Variants in CAV1 observed in about 807,000 individuals in gnomAD.
The protein encoded by CAV1 is caveolin 1, also known as caveolin-1.
Under a neutral mutation model 16.5 loss-of-function variants are expected in CAV1, and 10 were observed. The ratio of observed to expected loss-of-function variants is 0.61; its 90% confidence interval spans 0.37 to 1.03. The LOEUF is 1.03. CAV1 is among the 50% of genes least tolerant of loss of function. The pLI, the probability that CAV1 is intolerant of heterozygous loss-of-function variation, is 0.01. For missense variants in CAV1, 212 were observed against 232.8 expected (o/e 0.91, Z 0.58); for synonymous variants, 76 against 85.1 (o/e 0.89, Z 0.59).
At chr7:116,525,416 G>A in intron 1 of CAV1, 3 of 1,440,672 alleles carry the variant, frequency 2.1e-6, no homozygotes, top group Admixed American at 2.4e-5. Context: ...CCCTTGTCGC[G>A]GGACCCCCGC....
In CAV1 at chr7:116,556,673, G is replaced by A. The variant is rs79215563; in HGVS notation, c.196-2273G>A. Among the ~76,000 whole-genome samples the A allele has an allele frequency of 5.8e-4, 89 of 152,228 alleles. 1 individual carries two copies. The highest frequency in any genetic ancestry group is 1.8e-3 in the African/African-American group (76 of 41,532). On this transcript the variant is annotated intron_variant, in intron 2 of 2. Transcript: ENST00000341049. The stretch of plus-strand genomic sequence containing the variant: ...AGAATCTCAAGGCAGACCTGCTTCG[G>A]GTCTGCTCTGTAAAGAGGTAGGAAT...
Position 116,560,994 on chromosome 7 carries a change from A to T in CAV1, c.*1707A>T, listed in dbSNP as rs917967683. ...CACTTAGGAAATGGCTTTGTGATTCAATCTGTAAACTGTGTATTCCAAGAC... is the reference window on the plus strand; with the variant it reads ...CACTTAGGAAATGGCTTTGTGATTCTATCTGTAAACTGTGTATTCCAAGAC... On this transcript the variant is annotated 3_prime_UTR_variant, in exon 3 of 3. Coordinates refer to ENST00000341049, the MANE Select transcript of CAV1 (RefSeq NM_001753.5). 6.6e-6 allele frequency: 1 copy of T among 152,654 alleles called. No homozygotes were observed. The highest frequency in any genetic ancestry group is 1.5e-5 in the Non-Finnish European group (1 of 68,030). 9.5% of individuals were successfully genotyped at this position (152,654 alleles called of 1,614,324 possible).
chr7:116,558,651 G>A (rs1223019143), intron 2 of CAV1, among the ~76,000 whole-genome samples: 1 of 151,914 alleles, frequency 6.6e-6, no homozygotes, highest in African/African-American at 2.4e-5. Flanking sequence ...TACTTAAGAG[G>A]CTGAGGCAGA....
intron 2 of CAV1, among the ~76,000 whole-genome samples, chr7:116,537,153 C>T (rs1054549826): frequency 6.6e-6 from 1 of 151,792 alleles, no homozygotes; most frequent in Admixed American, 6.6e-5. Context: ...AATTAAAAAA[C>T]CAAAAGTTTT....
intron 2 of CAV1, among the ~76,000 whole-genome samples, chr7:116,547,666 A>C (rs1172187084): frequency 1.3e-5 from 2 of 152,184 alleles, no homozygotes; most frequent in Admixed American, 1.3e-4. Flanking sequence ...CGATTTCAGG[A>C]ATGCCAAAAG....
chr7:116,534,742 T>C (rs1247460293), intron 2 of CAV1, among the ~76,000 whole-genome samples: 1 of 151,924 alleles, frequency 6.6e-6, no homozygotes, highest in East Asian at 1.9e-4. Context: ...AGCCTGAGTA[T>C]CTGTATTTTT....
At chr7:116,552,027 C>G (rs1794175428) in intron 2 of CAV1, 1 of 152,472 alleles carries the variant, frequency 6.6e-6, no homozygotes, top group East Asian at 1.9e-4. Context: ...AGGTGAATGT[C>G]CCAGTCTTTT....
chr7:116,537,650 G>C (rs928262657), intron 2 of CAV1, among the ~76,000 whole-genome samples: 15 of 152,166 alleles, frequency 9.9e-5, no homozygotes, highest in Non-Finnish European at 2.2e-4. Context: ...CATTGGTGTG[G>C]CCACAATATG....
intron 2 of CAV1, among the ~76,000 whole-genome samples, chr7:116,535,310 C>T (rs1471349536): frequency 1.3e-5 from 2 of 152,144 alleles, no homozygotes; most frequent in African/African-American, 4.8e-5. Flanking sequence ...CAGGCCTTTC[C>T]CTGATTCCTT....
chr7:116,539,606 T>C (rs1286047997), intron 2 of CAV1, among the ~76,000 whole-genome samples: 1 of 152,216 alleles, frequency 6.6e-6, no homozygotes, highest in Admixed American at 6.5e-5. Flanking sequence ...TTTACTTAGG[T>C]GAAGAGAAAA....
intron 1 of CAV1, chr7:116,525,430 C>A: frequency 7.0e-7 from 1 of 1,421,044 alleles, no homozygotes; most frequent in Non-Finnish European, 9.3e-7. Flanking sequence ...CCCCCGCGGT[C>A]CGGCCCTGCC....
chr7:116,543,169 C>T (rs906231736), intron 2 of CAV1, among the ~76,000 whole-genome samples: 3 of 152,178 alleles, frequency 2.0e-5, no homozygotes, highest in Non-Finnish European at 4.4e-5. Context: ...GAGGCAGAAA[C>T]AGACAATCTC....
chr7:116,525,248 G>T (rs1181740481), intron 1 of CAV1, 156 bp downstream of exon 1: 2 of 1,606,174 alleles, frequency 1.2e-6, no homozygotes, highest in Non-Finnish European at 1.7e-6. Flanking sequence ...ATGGGCCTGG[G>T]CGGGGAGGTG....
intron 1 of CAV1, chr7:116,525,960 G>C: frequency 2.3e-6 from 1 of 431,274 alleles, no homozygotes; most frequent in Non-Finnish European, 3.1e-6. Flanking sequence ...GGGCAGGTGC[G>C]AGGGGGATGC....
intron 2 of CAV1, among the ~76,000 whole-genome samples, chr7:116,536,506 A>G (rs370336254): frequency 6.6e-6 from 1 of 152,226 alleles, no homozygotes; most frequent in South Asian, 2.1e-4. Flanking sequence ...TATGTTTACC[A>G]GGAACAGGGT....
chr7:116,539,823 T>C (rs1186689169), intron 2 of CAV1, among the ~76,000 whole-genome samples: 4 of 152,116 alleles, frequency 2.6e-5, no homozygotes, highest in Non-Finnish European at 4.4e-5. Context: ...AATGCCAAAA[T>C]ATACCATCTG....
At chr7:116,531,891 C>A (rs1235224600) in intron 2 of CAV1, among the ~76,000 whole-genome samples, 1 of 152,146 alleles carries the variant, frequency 6.6e-6, no homozygotes, top group Non-Finnish European at 1.5e-5. Context: ...TTATGATCAT[C>A]TTTAGTGGGA....
At position 116,560,882 on chromosome 7, in the gene CAV1, AC is replaced by A. The variant is rs1794396696; in HGVS notation, c.*1596del. On this transcript the variant is annotated 3_prime_UTR_variant, in exon 3 of 3. Transcript: ENST00000341049. ...CAGACACTGGCATGGATATAGTTTT[AC>A]TTTTAAACTGTGTACATAACTGAAA... is the stretch of plus-strand genomic sequence containing the variant. 1 of 152,568 alleles carries A rather than the reference AC, an allele frequency of 6.6e-6. No homozygotes were observed. The highest frequency in any genetic ancestry group is 2.1e-4 in the South Asian group (1 of 4,832). 9.5% of individuals were successfully genotyped at this position (152,568 alleles called of 1,614,324 possible).
rs1166113642 is a variant in CAV1, at chr7:116,525,148, T to C, written c.30+56T>C. 9.3e-6 allele frequency: 15 copies of C among 1,614,004 alleles called. No individual in the cohort carries two copies. The South Asian group carries it at 1.5e-4, about 17-fold the overall frequency. Reference sequence around the variant, plus strand: ...GCGTGCGGGGAGTGTCCGCTTCTGCTATCTGCCTCTCCAAATATCCCGACT... The same window carrying C: ...GCGTGCGGGGAGTGTCCGCTTCTGCCATCTGCCTCTCCAAATATCCCGACT... On this transcript the variant is annotated intron_variant, in intron 1 of 2. Transcript: ENST00000341049.
Sources: gnomAD v4.1 joint callset for allele counts (sites outside exome capture counted in the v4.1 genomes callset) on GRCh38, gnomAD v4.1.1 for gene constraint, MANE v1.5 for transcripts, NCBI Gene and HGNC (gene_info 2026-07-23, HGNC 2026-07-21) for gene names.